CPO: variants seen among roughly 807,000 people sequenced by gnomAD.
CPO encodes the protein metallocarboxypeptidase C.
CPO carries 43 observed loss-of-function variants against 41.2 expected under a neutral mutation model. The ratio of observed to expected loss-of-function variants is 1.04; its 90% CI spans 0.82 to 1.35. The LOEUF is 1.35. Among genes scored for constraint, CPO ranks in the 40% most tolerant of loss-of-function variants. CPO has a pLI of 0.00. For missense variants in CPO, 408 were observed against 451.7 expected (o/e 0.90, Z 0.88); for synonymous variants, 178 against 162.7 (o/e 1.09, Z -0.72).
chr2:206,960,109 AATAATGT>A (rs1396410543), intron 5 of CPO, among the ~76,000 whole-genome samples: 3 of 152,224 alleles, frequency 2.0e-5, no homozygotes, highest in Non-Finnish European at 2.9e-5. Flanking sequence ...GAAGGCAATG[AATAATGT>A]ATAAACACAA....
rs1308236026 is a variant in CPO, at chr2:206,945,963, AAT to A, written c.69-3653_69-3652del. ...AAATAAATAAATAAATATTTAAAAAAATTTTTTTAAATTAAAAAAAAAGATAG... is the reference window on the plus strand; with the variant it reads ...AAATAAATAAATAAATATTTAAAAAATTTTTTAAATTAAAAAAAAAGATAG... On this transcript the variant is annotated intron_variant, in intron 1 of 8. Coordinates refer to ENST00000272852, the MANE Select transcript of CPO (RefSeq NM_173077.3). Among the ~76,000 whole-genome samples, 251 of 146,078 alleles carry A rather than the reference AAT, an allele frequency of 1.7e-3. 1 individual carries two copies. Among genetic ancestry groups the A allele is most frequent in the African/African-American group, 5.2e-3 (214 of 41,014 alleles).
At chr2:206,964,716 A>C (rs1411168802) in intron 7 of CPO, among the ~76,000 whole-genome samples, 1 of 152,256 alleles carries the variant, frequency 6.6e-6, no homozygotes, top group Non-Finnish European at 1.5e-5. Flanking sequence ...CAAGAAGCCC[A>C]GAATGCTCCT....
At position 206,962,393 on chromosome 2, in the gene CPO, G is replaced by A; in HGVS notation, c.575-19G>A. 6.2e-7 allele frequency: 1 copy of A among 1,609,244 alleles called. No individual in the cohort carries two copies. The highest frequency in any genetic ancestry group is 8.5e-7 in the Non-Finnish European group (1 of 1,175,706). On this transcript the variant is annotated intron_variant, in intron 6 of 8. Coordinates refer to ENST00000272852, the MANE Select transcript of CPO (RefSeq NM_173077.3). ...ACTGAGATCATGCAGCCTTCTTTGTGGTTTCTTCCATATTCTAGGTATTGG... is the reference window on the plus strand; with the variant it reads ...ACTGAGATCATGCAGCCTTCTTTGTAGTTTCTTCCATATTCTAGGTATTGG...
chr2:206,964,300 A>G (rs764376797), intron 7 of CPO, among the ~76,000 whole-genome samples: 4 of 152,244 alleles, frequency 2.6e-5, no homozygotes, highest in Non-Finnish European at 4.4e-5. Flanking sequence ...GTCCAGGAAC[A>G]CTTGCACTAT....
At chr2:206,959,561 G>C in intron 4 of CPO, 70 bp from the exon 5 acceptor site, 1 of 768,656 alleles carries the variant, frequency 1.3e-6, no homozygotes, top group Non-Finnish European at 2.3e-6. Context: ...TAATTAAGTT[G>C]AAATTGGTAG....
At chr2:206,943,136 G>C (rs1693059602) in intron 1 of CPO, among the ~76,000 whole-genome samples, 1 of 152,126 alleles carries the variant, frequency 6.6e-6, no homozygotes, top group South Asian at 2.1e-4. Context: ...AATGCACCAG[G>C]TGCAAACCCC....
At chr2:206,959,781 C>G (rs1158700769) in intron 5 of CPO, 40 bp downstream of exon 5, 1 of 882,500 alleles carries the variant, frequency 1.1e-6, no homozygotes, top group Non-Finnish European at 1.9e-6. Flanking sequence ...AGTTCATGAA[C>G]TAAAGCTCAA....
intron 2 of CPO, among the ~76,000 whole-genome samples, chr2:206,954,523 T>G (rs1329904559): frequency 6.6e-6 from 1 of 152,198 alleles, no homozygotes; most frequent in Non-Finnish European, 1.5e-5. Flanking sequence ...TCAACGAGTC[T>G]CTAGGAAGTT....
At chr2:206,963,657 G>A (rs1399074566) in intron 7 of CPO, among the ~76,000 whole-genome samples, 1 of 151,998 alleles carries the variant, frequency 6.6e-6, no homozygotes, top group Non-Finnish European at 1.5e-5. Context: ...CATGTTGTAG[G>A]GTGTATCCAA....
chr2:206,960,459 C>G (rs1386200016), intron 5 of CPO, among the ~76,000 whole-genome samples: 1 of 152,228 alleles, frequency 6.6e-6, no homozygotes, highest in Non-Finnish European at 1.5e-5. Context: ...TCTGACACAC[C>G]TGGAATGGTC....
chr2:206,968,368 C>G (rs1160697596), intron 8 of CPO, 21 bp downstream of exon 8: 1 of 1,398,840 alleles, frequency 7.1e-7, no homozygotes, highest in Non-Finnish European at 1.0e-6. Flanking sequence ...TTTTTTGCCT[C>G]TTCAATAGTA....
At chr2:206,955,090 A>G (rs948863675) in intron 2 of CPO, among the ~76,000 whole-genome samples, 4 of 152,242 alleles carry the variant, frequency 2.6e-5, no homozygotes, top group African/African-American at 4.8e-5. Context: ...ATGGAAGAAA[A>G]TCTCACAAAA....
At chr2:206,954,634 T>A (rs1487308799) in intron 2 of CPO, among the ~76,000 whole-genome samples, 2 of 152,230 alleles carry the variant, frequency 1.3e-5, no homozygotes, top group African/African-American at 4.8e-5. Context: ...TTTTCAGGTA[T>A]CCTTATAGAA....
At chr2:206,958,076 T>C (rs1391173712) in intron 3 of CPO, among the ~76,000 whole-genome samples, 1 of 152,140 alleles carries the variant, frequency 6.6e-6, no homozygotes, top group Non-Finnish European at 1.5e-5. Context: ...GGGGAGCCAG[T>C]GTGCAGTCCT....
At chr2:206,963,750 C>T (rs781719815) in intron 7 of CPO, among the ~76,000 whole-genome samples, 20 of 152,188 alleles carry the variant, frequency 1.3e-4, no homozygotes, top group African/African-American at 2.7e-4. Context: ...TATCTGTCAA[C>T]GGACACACTT....
At chr2:206,945,964 A>T (rs905873959) in intron 1 of CPO, among the ~76,000 whole-genome samples, 5 of 142,202 alleles carry the variant, frequency 3.5e-5, no homozygotes, top group South Asian at 2.2e-4. Flanking sequence ...ATTTAAAAAA[A>T]TTTTTTTAAA....
At chr2:206,956,344 G>A (rs1177427645) in intron 3 of CPO, among the ~76,000 whole-genome samples, 1 of 152,130 alleles carries the variant, frequency 6.6e-6, no homozygotes, top group Non-Finnish European at 1.5e-5. Context: ...ATCCTAATGT[G>A]TAACCAGAGT....
chr2:206,961,239 G>T (rs1439909625), intron 6 of CPO, among the ~76,000 whole-genome samples: 1 of 152,132 alleles, frequency 6.6e-6, no homozygotes, highest in African/African-American at 2.4e-5. Context: ...TTATCATAAA[G>T]AAAAGAAAAA....
rs1250818462 is a variant in CPO at position 206,959,654 on chromosome 2, C to T, written c.396C>T (p.Asn132=). 1 of 1,508,670 alleles carries T rather than the reference C, an allele frequency of 6.6e-7. No individual in the cohort carries two copies. Among genetic ancestry groups the T allele is most frequent in the Admixed American group, 1.7e-5 (1 of 59,704 alleles). 93.5% of individuals were successfully genotyped at this position (1,508,670 alleles called of 1,614,324 possible). Reference sequence around the variant, plus strand: ...AGATTCTACAAAACCATAAAGACAACTCAAGTATACGCAAGCTCCTTAGGA... The same window carrying T: ...AGATTCTACAAAACCATAAAGACAATTCAAGTATACGCAAGCTCCTTAGGA... ...VKEILQNHKD[N]SSIRKLLRNL... is the part of the protein sequence containing the mutation. The change falls in exon 5 of 9, where the codon AAC becomes AAT. Residue 132 remains asparagine, a synonymous_variant. Coordinates refer to ENST00000272852, the MANE Select transcript of CPO (RefSeq NM_173077.3).
Sources: allele counts gnomAD v4.1 joint callset (sites outside exome capture counted in the v4.1 genomes callset), GRCh38; gene constraint gnomAD v4.1.1; transcripts MANE v1.5; gene names NCBI Gene and HGNC (gene_info 2026-07-23, HGNC 2026-07-21).